Variants in PDE10A observed in about 807,000 individuals in gnomAD.
PDE10A encodes the protein phosphodiesterase 10A, also known as cAMP and cAMP-inhibited cGMP 3',5'-cyclic phosphodiesterase 10A.
Under a neutral mutation model 97.7 loss-of-function variants are expected in PDE10A, and 39 were observed. That is an observed-to-expected ratio of 0.40 (90% CI 0.31 to 0.52). The LOEUF is 0.52. Among genes scored for constraint, PDE10A ranks in the 20% least tolerant of loss-of-function variants. The pLI is 0.56. For synonymous variants in PDE10A, 371 were observed against 376.8 expected, an observed-to-expected ratio of 0.98 and a Z score of 0.18; for missense variants, 731 against 1,047.8, an observed-to-expected ratio of 0.70 and a Z score of 4.17.
chr6:165,332,720 C>T lies in PDE10A; in HGVS notation c.*305G>A. On this transcript the variant is annotated 3_prime_UTR_variant, in exon 22 of 22. Transcript: ENST00000539869. Reference sequence around the variant, plus strand: ...CTTCTGGATAATTTTTGTCCATTTCCTTTAAGGCCTCAGCAATATTAGCCT... The same window carrying T: ...CTTCTGGATAATTTTTGTCCATTTCTTTTAAGGCCTCAGCAATATTAGCCT... The T allele has an allele frequency of 3.1e-6, 1 of 326,406 alleles. No individual in the cohort carries two copies. The highest frequency in any genetic ancestry group is 2.1e-5 in the African/African-American group (1 of 46,804). 20.2% of individuals were successfully genotyped at this position (326,406 alleles called of 1,614,324 possible).
At chr6:165,852,732 G>A (rs936282211) in intron 1 of PDE10A, among the ~76,000 whole-genome samples, 3 of 152,158 alleles carry the variant, frequency 2.0e-5, no homozygotes, top group Non-Finnish European at 4.4e-5. Context: ...TGCTCCATGC[G>A]GGTGAGATAC....
chr6:165,816,185 G>A (rs1206572860), intron 1 of PDE10A, among the ~76,000 whole-genome samples: 5 of 152,118 alleles, frequency 3.3e-5, no homozygotes, highest in African/African-American at 9.7e-5. Flanking sequence ...TCCTGACCTC[G>A]TGATCTGCCC....
At chr6:165,342,844 T>G (rs1258469947) in intron 19 of PDE10A, among the ~76,000 whole-genome samples, 6 of 152,186 alleles carry the variant, frequency 3.9e-5, no homozygotes, top group Admixed American at 3.9e-4. Context: ...GATAAGTCAG[T>G]CAAGAAAAGG....
chr6:165,414,973 G>T (rs1788203710), intron 12 of PDE10A, among the ~76,000 whole-genome samples: 1 of 152,102 alleles, frequency 6.6e-6, no homozygotes, highest in Non-Finnish European at 1.5e-5. Flanking sequence ...TCCTTTTGTG[G>T]ACTGTCTGTT....
At chr6:165,697,034 C>A (rs1791459508) in intron 1 of PDE10A, among the ~76,000 whole-genome samples, 1 of 152,080 alleles carries the variant, frequency 6.6e-6, no homozygotes, top group South Asian at 2.1e-4. Flanking sequence ...AACAGAGCCT[C>A]AGAGGAAAGA....
At chr6:165,484,011 C>A (rs536925223) in intron 2 of PDE10A, among the ~76,000 whole-genome samples, 2 of 152,288 alleles carry the variant, frequency 1.3e-5, no homozygotes, top group East Asian at 3.9e-4. Flanking sequence ...CTGGCTTTTC[C>A]CCTTAGGAGC....
chr6:165,395,558 C>A (rs1436228814), intron 14 of PDE10A, among the ~76,000 whole-genome samples: 1 of 151,984 alleles, frequency 6.6e-6, no homozygotes, highest in Non-Finnish European at 1.5e-5. Context: ...AGGTATATTA[C>A]AAATATTAGA....
At chr6:165,495,207 A>G (rs1002311419) in intron 2 of PDE10A, among the ~76,000 whole-genome samples, 1 of 152,164 alleles carries the variant, frequency 6.6e-6, no homozygotes, top group Non-Finnish European at 1.5e-5. Flanking sequence ...GAGAATCACA[A>G]ACAAGAAAGC....
intron 1 of PDE10A, among the ~76,000 whole-genome samples, chr6:165,554,773 C>T (rs1490608982): frequency 6.6e-6 from 1 of 152,080 alleles, no homozygotes; most frequent in East Asian, 1.9e-4. Flanking sequence ...CCTAAGTATC[C>T]ATCAACAGAT....
At chr6:165,473,379 T>A (rs1241945444) in intron 3 of PDE10A, among the ~76,000 whole-genome samples, 1 of 152,176 alleles carries the variant, frequency 6.6e-6, no homozygotes, top group Non-Finnish European at 1.5e-5. Flanking sequence ...TGAATTAATG[T>A]AGCTCTAGAC....
intron 1 of PDE10A, among the ~76,000 whole-genome samples, chr6:165,920,543 T>TACACACACACAC (rs55746374): frequency 5.4e-5 from 8 of 149,380 alleles, no homozygotes; most frequent in South Asian, 4.3e-4. Flanking sequence ...AGACTGGGCT[T>TACACACACACAC]ACACACACAC....
chr6:165,484,561 G>A (rs530683107), intron 2 of PDE10A, among the ~76,000 whole-genome samples: 3 of 152,324 alleles, frequency 2.0e-5, no homozygotes, highest in African/African-American at 7.2e-5. Context: ...CTGAGGTGGT[G>A]ATGCTAGCGC....
intron 3 of PDE10A, among the ~76,000 whole-genome samples, chr6:165,456,934 TA>T: frequency 6.6e-6 from 1 of 152,222 alleles, no homozygotes; most frequent in East Asian, 1.9e-4. Flanking sequence ...ACTCAAACCA[TA>T]ATATACTGTA....
Position 165,547,498 on chromosome 6 carries a change from A to C in PDE10A, c.866-3930T>G, listed in dbSNP as rs1051816293. Among the ~76,000 whole-genome samples the C allele has an allele frequency of 4.1e-5, 6 of 147,860 alleles. No homozygotes were observed. In the South Asian group the frequency reaches 1.1e-3, roughly 26 times the overall value. ...AAGCAGAGTGGTACATGTAGTGGTT[A>C]GATTTAACACTGGTACCTGAAGATA... On this transcript the variant is annotated intron_variant, in intron 1 of 21. Transcript: ENST00000539869.
intron 1 of PDE10A, among the ~76,000 whole-genome samples, chr6:165,678,174 T>G (rs1271678497): frequency 2.7e-5 from 4 of 148,710 alleles, no homozygotes; most frequent in African/African-American, 7.4e-5. Flanking sequence ...TATGTATGTG[T>G]GTGTCCATGT....
chr6:165,833,315 A>G lies in PDE10A; in HGVS notation c.-615+154214T>C, dbSNP rs555953471. 3.9e-5 allele frequency among the ~76,000 whole-genome samples: 6 copies of G among 152,358 alleles called. No individual in the cohort carries two copies. The South Asian group carries it at 6.2e-4, about 16-fold the overall frequency. ...GATTCACCAGCCTGGATAAACTGTAATATACAAACGTGAACACATTTATCT... is the reference window on the plus strand; with the variant it reads ...GATTCACCAGCCTGGATAAACTGTAGTATACAAACGTGAACACATTTATCT... On this transcript the variant is annotated intron_variant, in intron 1 of 19. Coordinates refer to the PDE10A transcript ENST00000366882.
intron 18 of PDE10A, among the ~76,000 whole-genome samples, chr6:165,368,197 T>C (rs934093041): frequency 6.6e-6 from 1 of 152,236 alleles, no homozygotes; most frequent in African/African-American, 2.4e-5. Flanking sequence ...GGTTTCCCCA[T>C]GTTGGCTAGG....
At chr6:165,669,293 G>T (rs1790582473) in intron 1 of PDE10A, among the ~76,000 whole-genome samples, 1 of 152,346 alleles carries the variant, frequency 6.6e-6, no homozygotes, top group Non-Finnish European at 1.5e-5. Flanking sequence ...GGAGTTAAAG[G>T]AAGGGGCAGT....
chr6:165,701,355 C>T (rs540883191), intron 1 of PDE10A, among the ~76,000 whole-genome samples: 2 of 152,358 alleles, frequency 1.3e-5, no homozygotes, highest in South Asian at 2.1e-4. Context: ...CAATTTGCCA[C>T]TGTCACTGTT....
Sources: gnomAD v4.1 joint callset for allele counts (sites outside exome capture counted in the v4.1 genomes callset) on GRCh38, gnomAD v4.1.1 for gene constraint, MANE v1.5 for transcripts, NCBI Gene and HGNC (gene_info 2026-07-23, HGNC 2026-07-21) for gene names.